Variants in ANXA11 observed in about 807,000 individuals in gnomAD.
The protein encoded by ANXA11 is 56 kDa autoantigen.
Under a neutral mutation model 64.7 loss-of-function variants are expected in ANXA11, and 57 were observed. That is an observed-to-expected ratio of 0.88 (90% confidence interval 0.71 to 1.10). The LOEUF is 1.10. Among genes scored for constraint, ANXA11 ranks in the 50% least tolerant of loss-of-function variants. The pLI is 0.00. For missense variants in ANXA11, 675 were observed against 670.7 expected, an observed-to-expected ratio of 1.01 and a Z score of -0.07; for synonymous variants, 260 against 265.2, an observed-to-expected ratio of 0.98 and a Z score of 0.19.
chr10:80,160,408 G>A (rs1186202575), intron 12 of ANXA11, among the ~76,000 whole-genome samples: 1 of 152,192 alleles, frequency 6.6e-6, no homozygotes, highest in Non-Finnish European at 1.5e-5. Flanking sequence ...CTACCACCCT[G>A]TGCCTGCTTT....
chr10:80,166,689 C>A (rs1025801977), intron 7 of ANXA11: 3 of 587,768 alleles, frequency 5.1e-6, no homozygotes, highest in South Asian at 2.0e-5. Flanking sequence ...ATGTCTGGAG[C>A]CTCTCAGCAA....
At position 80,191,087 on chromosome 10, in the gene ANXA11, T is replaced by C. The variant is rs572039942; in HGVS notation, c.-58+14256A>G. 1.4e-3 allele frequency among the ~76,000 whole-genome samples: 216 copies of C among 152,014 alleles called. 1 individual carries two copies. The highest frequency in any genetic ancestry group is 4.9e-3 in the African/African-American group (202 of 41,470). The stretch of plus-strand genomic sequence containing the variant: ...CTAAAAATACAAAATTAGCTGGGTG[T>C]GGTGGCATGCACCTGCAATCCCAGC... On this transcript the variant is annotated intron_variant, in intron 1 of 15. Coordinates refer to ENST00000422982, the MANE Select transcript of ANXA11 (RefSeq NM_145868.2).
chr10:80,184,373 T>C (rs1006904260), intron 1 of ANXA11, among the ~76,000 whole-genome samples: 7 of 152,228 alleles, frequency 4.6e-5, no homozygotes, highest in Non-Finnish European at 8.8e-5. Context: ...TTCAACTTTA[T>C]GATGGTGCAA....
At chr10:80,160,776 C>T (rs750222206) in intron 12 of ANXA11, among the ~76,000 whole-genome samples, 4 of 152,154 alleles carry the variant, frequency 2.6e-5, no homozygotes, top group African/African-American at 9.7e-5. Context: ...CCACACTCAG[C>T]AACCCAGCAG....
intron 1 of ANXA11, among the ~76,000 whole-genome samples, chr10:80,199,095 C>CTTTTTT (rs71482767): frequency 7.5e-6 from 1 of 133,510 alleles, no homozygotes; most frequent in Admixed American, 7.5e-5. Flanking sequence ...TCAAGATAAA[C>CTTTTTT]TTTTTTTTTT....
chr10:80,157,170 C>T, intron 15 of ANXA11: 15 of 978,380 alleles, frequency 1.5e-5, no homozygotes, highest in Non-Finnish European at 1.8e-5. Context: ...CATTCAAGGT[C>T]ACACAGTTAG....
At chr10:80,188,846 G>A (rs1846653367) in intron 1 of ANXA11, among the ~76,000 whole-genome samples, 1 of 152,118 alleles carries the variant, frequency 6.6e-6, no homozygotes, top group Admixed American at 6.5e-5. Context: ...CAGATCCTGG[G>A]CACACACTAA....
In ANXA11 at chr10:80,161,996, TC is replaced by T; in HGVS notation, c.1118del (p.Gly373GlufsTer20). 1 of 1,612,272 alleles carries T rather than the reference TC, an allele frequency of 6.2e-7. No individual in the cohort carries two copies. The part of the protein sequence containing the change: ...ELYAAGENRL[G>X]TDESKFNAVL... ...CCGCATTGAACTTGGACTCGTCTGT[TC>T]CCAGGCGGTTCTCCCCGGCCGCATA... On this transcript the variant is annotated frameshift_variant, in exon 12 of 16. Coordinates refer to ENST00000422982, the MANE Select transcript of ANXA11 (RefSeq NM_145868.2). LOFTEE classifies it high-confidence loss of function.
intron 14 of ANXA11, 22 bp from the exon 15 acceptor site, chr10:80,157,785 G>T: frequency 1.2e-6 from 2 of 1,607,622 alleles, no homozygotes; most frequent in Non-Finnish European, 1.7e-6. Context: ...CCACCCAAGA[G>T]CATGAGCACC....
intron 7 of ANXA11, 106 bp downstream of exon 7, chr10:80,166,784 G>T: frequency 1.2e-6 from 1 of 868,866 alleles, no homozygotes. Flanking sequence ...GCTCCTTACT[G>T]TCCATCCGGG....
At chr10:80,173,506 G>C (rs1324756817) in intron 2 of ANXA11, among the ~76,000 whole-genome samples, 4 of 152,238 alleles carry the variant, frequency 2.6e-5, no homozygotes, top group Non-Finnish European at 4.4e-5. Flanking sequence ...TGCTGATTAA[G>C]AGAAGTAAGT....
intron 1 of ANXA11, among the ~76,000 whole-genome samples, chr10:80,177,087 C>A (rs773278374): frequency 1.7e-4 from 25 of 151,332 alleles, no homozygotes; most frequent in Non-Finnish European, 3.7e-4. Context: ...GCAAGCAATT[C>A]TCCTGCCCTA....
At chr10:80,179,448 T>C (rs1846281122) in intron 1 of ANXA11, among the ~76,000 whole-genome samples, 1 of 152,248 alleles carries the variant, frequency 6.6e-6, no homozygotes, top group South Asian at 2.1e-4. Context: ...TATTTCTTTA[T>C]AGTCGTGTGA....
intron 1 of ANXA11, among the ~76,000 whole-genome samples, chr10:80,180,208 C>T (rs1688537468): frequency 6.6e-6 from 1 of 152,356 alleles, no homozygotes; most frequent in South Asian, 2.1e-4. Context: ...AAGAGCCTCA[C>T]TGCCCCGACT....
chr10:80,166,042 G>GTGCGCACACATGCGCACA (rs1845715366), intron 8 of ANXA11, 42 bp downstream of exon 8: 1 of 416,200 alleles, frequency 2.4e-6, no homozygotes, highest in Non-Finnish European at 4.2e-6. Context: ...ACACACGCGC[G>GTGCGCACACATGCGCACA]CACACACACA....
intron 2 of ANXA11, among the ~76,000 whole-genome samples, chr10:80,175,187 C>A (rs1846125765): frequency 6.6e-6 from 1 of 152,146 alleles, no homozygotes. Context: ...CCCAGCCTGA[C>A]CCTTCTGCCC....
At chr10:80,163,093 A>ATC (rs1436477163) in intron 11 of ANXA11, among the ~76,000 whole-genome samples, 1 of 152,106 alleles carries the variant, frequency 6.6e-6, no homozygotes, top group African/African-American at 2.4e-5. Context: ...CACGTCCAAA[A>ATC]CCATGATCTA....
chr10:80,183,743 A>G (rs939493545), intron 1 of ANXA11, among the ~76,000 whole-genome samples: 5 of 152,218 alleles, frequency 3.3e-5, no homozygotes, highest in Non-Finnish European at 1.5e-5. Flanking sequence ...GGGCAAAAGG[A>G]GACAGTGCAA....
chr10:80,166,712 G>A (rs1009962250), intron 7 of ANXA11, 178 bp downstream of exon 7: 18 of 607,508 alleles, frequency 3.0e-5, no homozygotes, highest in African/African-American at 5.5e-5. Flanking sequence ...CTCAGCACCC[G>A]GTGGCATCCT....
Sources: allele counts gnomAD v4.1 joint callset (sites outside exome capture counted in the v4.1 genomes callset), GRCh38; gene constraint gnomAD v4.1.1; transcripts MANE v1.5; gene names NCBI Gene and HGNC (gene_info 2026-07-23, HGNC 2026-07-21).